RSU1: variants seen among roughly 807,000 people sequenced by gnomAD.
RSU1 encodes Ras suppressor protein 1.
RSU1 carries 26 observed loss-of-function variants against 31.1 expected under a neutral mutation model. That is an observed-to-expected ratio of 0.84 (90% CI 0.61 to 1.16). The LOEUF (loss-of-function observed/expected upper bound fraction) is 1.16. RSU1 is among the 50% of genes most tolerant of loss of function. The pLI is 0.00. For missense variants in RSU1, 320 were observed against 339.1 expected (o/e 0.94, Z 0.44); for synonymous variants, 164 against 136.3 (o/e 1.20, Z -1.41).
intron 7 of RSU1, among the ~76,000 whole-genome samples, chr10:16,710,905 G>A (rs952259126): frequency 3.9e-5 from 6 of 152,120 alleles, no homozygotes; most frequent in Non-Finnish European, 8.8e-5. Flanking sequence ...TTATCAGTGA[G>A]AACATGCAAT....
At chr10:16,793,566 G>GA (rs1381762876) in intron 2 of RSU1, among the ~76,000 whole-genome samples, 2 of 151,884 alleles carry the variant, frequency 1.3e-5, no homozygotes, top group Admixed American at 6.6e-5. Flanking sequence ...TTTGCTCCAG[G>GA]AAAAAATACA....
chr10:16,640,875 A>G (rs1343103857), intron 8 of RSU1, among the ~76,000 whole-genome samples: 2 of 152,234 alleles, frequency 1.3e-5, no homozygotes, highest in African/African-American at 4.8e-5. Flanking sequence ...CCCTTAGCCA[A>G]GGGCCTGTCA....
chr10:16,672,666 A>T (rs61842276), intron 8 of RSU1, among the ~76,000 whole-genome samples: 1 of 152,062 alleles, frequency 6.6e-6, no homozygotes, highest in Non-Finnish European at 1.5e-5. Flanking sequence ...CGAACACTCT[A>T]CAAAATGCAA....
chr10:16,608,539 T>G (rs1455309954), intron 8 of RSU1, among the ~76,000 whole-genome samples: 1 of 152,092 alleles, frequency 6.6e-6, no homozygotes, highest in African/African-American at 2.4e-5. Flanking sequence ...AACTTCCCCA[T>G]GTAAGCCGTG....
rs544903656 is a variant in RSU1 at position 16,808,616 on chromosome 10, G to A, written c.109+8357C>T. Among the ~76,000 whole-genome samples the A allele has an allele frequency of 3.9e-5, 6 of 152,034 alleles. No individual in the cohort carries two copies. The South Asian group carries it at 1.2e-3, about 32-fold the overall frequency. ...AAATGCTGACGGTAGGTGAACCAAA[G>A]AGGGATGTTATGAGTGTGAGAAGCA... On this transcript the variant is annotated intron_variant, in intron 2 of 8. Transcript: ENST00000345264.
chr10:16,710,155 CA>C (rs1356289406), intron 7 of RSU1, among the ~76,000 whole-genome samples: 1 of 152,152 alleles, frequency 6.6e-6, no homozygotes, highest in Non-Finnish European at 1.5e-5. Flanking sequence ...GTTTTTCATA[CA>C]TGACATTTAC....
intron 8 of RSU1, among the ~76,000 whole-genome samples, chr10:16,682,111 G>A (rs1274167962): frequency 6.6e-6 from 1 of 152,116 alleles, no homozygotes; most frequent in Admixed American, 6.5e-5. Context: ...GGACAAGGTA[G>A]GAAAAATGAG....
At chr10:16,593,682 C>T (rs914851407) in intron 8 of RSU1, among the ~76,000 whole-genome samples, 186 bp from the exon 9 acceptor site, 4 of 152,212 alleles carry the variant, frequency 2.6e-5, no homozygotes, top group Non-Finnish European at 4.4e-5. Flanking sequence ...TACACATGCA[C>T]GCCATGCCAT....
chr10:16,817,004 GC>G lies in RSU1; in HGVS notation c.77del (p.Gly26AlafsTer27). On this transcript the variant is annotated frameshift_variant, in exon 2 of 9. Transcript: ENST00000345264. LOFTEE classifies it high-confidence loss of function. ...NQPEVDMSDR[G>X]ISNMLDVNGL... ...CGTTGACATCCAGCATGTTGGAGAT[GC>G]CCCGGTCACTCATGTCCACCTCGGG... is the stretch of plus-strand genomic sequence containing the variant. 1 of 1,614,000 alleles carries G rather than the reference GC, an allele frequency of 6.2e-7. No individual in the cohort carries two copies. The highest frequency in any genetic ancestry group is 8.5e-7 in the Non-Finnish European group (1 of 1,179,820).
At chr10:16,608,934 T>C (rs993690344) in intron 8 of RSU1, among the ~76,000 whole-genome samples, 1 of 152,094 alleles carries the variant, frequency 6.6e-6, no homozygotes, top group African/African-American at 2.4e-5. Flanking sequence ...CTGGACTCAA[T>C]AGATCCTCCT....
At chr10:16,644,327 T>G (rs138019713) in intron 8 of RSU1, among the ~76,000 whole-genome samples, 6 of 152,276 alleles carry the variant, frequency 3.9e-5, no homozygotes, top group African/African-American at 1.4e-4. Context: ...TTCTCGATAG[T>G]CTGAGGGATC....
chr10:16,701,133 T>G (rs1444963125), intron 7 of RSU1, among the ~76,000 whole-genome samples: 1 of 152,214 alleles, frequency 6.6e-6, no homozygotes, highest in African/African-American at 2.4e-5. Context: ...ATTTGGAGAA[T>G]TCCATGTTAA....
chr10:16,631,618 T>C (rs1378024816), intron 8 of RSU1, among the ~76,000 whole-genome samples: 1 of 152,228 alleles, frequency 6.6e-6, no homozygotes, highest in East Asian at 1.9e-4. Context: ...GTGAAAAGTG[T>C]CACTCAATCA....
At chr10:16,629,952 A>T (rs1349359168) in intron 8 of RSU1, among the ~76,000 whole-genome samples, 1 of 152,236 alleles carries the variant, frequency 6.6e-6, no homozygotes, top group Non-Finnish European at 1.5e-5. Context: ...CCCTCATTTA[A>T]CAAGAAATTA....
chr10:16,788,466 T>C (rs1309603418), intron 2 of RSU1, among the ~76,000 whole-genome samples: 1 of 152,118 alleles, frequency 6.6e-6, no homozygotes, highest in Non-Finnish European at 1.5e-5. Context: ...TGAGACACGA[T>C]CTCTTTCTCC....
At chr10:16,601,300 A>T (rs1353183723) in intron 8 of RSU1, among the ~76,000 whole-genome samples, 2 of 152,204 alleles carry the variant, frequency 1.3e-5, no homozygotes, top group Non-Finnish European at 2.9e-5. Context: ...TCACCATATT[A>T]ATCAGGTCTG....
chr10:16,690,766 G>T (rs529343853), intron 8 of RSU1, among the ~76,000 whole-genome samples: 2 of 152,110 alleles, frequency 1.3e-5, no homozygotes, highest in African/African-American at 4.8e-5. Flanking sequence ...AAACATTCCG[G>T]TAAGTTTTTT....
At chr10:16,693,556 T>C (rs1341923560) in intron 8 of RSU1, among the ~76,000 whole-genome samples, 4 of 152,058 alleles carry the variant, frequency 2.6e-5, no homozygotes, top group Admixed American at 2.6e-4. Flanking sequence ...ATAGTTGGGA[T>C]GTTAGATTCT....
At chr10:16,816,015 C>G (rs1838521378) in intron 2 of RSU1, among the ~76,000 whole-genome samples, 1 of 152,182 alleles carries the variant, frequency 6.6e-6, no homozygotes, top group Admixed American at 6.5e-5. Context: ...CGCCAAGAAA[C>G]CTGGAGCATT....
Sources: allele counts gnomAD v4.1 joint callset (sites outside exome capture counted in the v4.1 genomes callset), GRCh38; gene constraint gnomAD v4.1.1; transcripts MANE v1.5; gene names NCBI Gene and HGNC (gene_info 2026-07-23, HGNC 2026-07-21).